The following ITGAE variants were observed in gnomAD, a reference collection of about 807,000 sequenced individuals.
ITGAE encodes integrin subunit alpha E, also known as integrin alpha-E.
ITGAE carries 99 observed loss-of-function variants against 136.5 expected under a neutral mutation model. That is an observed-to-expected ratio of 0.73 (90% confidence interval 0.62 to 0.86). ITGAE has a LOEUF of 0.86. ITGAE is among the 40% of genes least tolerant of loss of function. The pLI is 0.00. For synonymous variants in ITGAE, 613 were observed against 591.8 expected, an observed-to-expected ratio of 1.04 and a Z score of -0.52; for missense variants, 1,447 against 1,515.3, an observed-to-expected ratio of 0.95 and a Z score of 0.75.
At chr17:3,755,766 A>G (rs1038492297) in intron 11 of ITGAE, 64 bp downstream of exon 11, 3 of 1,425,274 alleles carry the variant, frequency 2.1e-6, no homozygotes, top group African/African-American at 2.8e-5. Context: ...GAGTCCCTGA[A>G]TCCTAGGTGT....
intron 28 of ITGAE, among the ~76,000 whole-genome samples, chr17:3,722,141 T>C (rs1333388434): frequency 6.7e-6 from 1 of 148,338 alleles, no homozygotes; most frequent in Non-Finnish European, 1.5e-5. Flanking sequence ...ATCGTGCCAT[T>C]GCACAACAAG....
chr17:3,766,484 C>A (rs982639661), intron 2 of ITGAE, among the ~76,000 whole-genome samples: 5 of 152,114 alleles, frequency 3.3e-5, no homozygotes, highest in South Asian at 2.1e-4. Context: ...GCTTTTCAGA[C>A]TTCTGACCTC....
Position 3,757,713 on chromosome 17 carries a change from G to A in ITGAE, c.1013C>T (p.Ala338Val), listed in dbSNP as rs766919309. The A allele has an allele frequency of 8.7e-6, 14 of 1,613,878 alleles. No homozygotes were observed. The African/African-American group carries it at 1.6e-4, about 18-fold the overall frequency. Reference protein sequence around the residue: ...SPKMQGVERFAIGVGEEFKSA... With the variant: ...SPKMQGVERFVIGVGEEFKSA... ...CCGGCTCCTGGCTCTTACCCCAATGGCAAAGCGCTCAACACCCTGCATTTT... is the reference window on the plus strand; with the variant it reads ...CCGGCTCCTGGCTCTTACCCCAATGACAAAGCGCTCAACACCCTGCATTTT... Residue 338 changes from alanine to valine, a missense_variant, in exon 9 of 31, where the codon GCC becomes GTC. Transcript: ENST00000263087.
chr17:3,762,913 T>A (rs1029747354), intron 3 of ITGAE, among the ~76,000 whole-genome samples: 4 of 144,626 alleles, frequency 2.8e-5, no homozygotes, highest in African/African-American at 2.6e-5. Context: ...TTTTTTTTTT[T>A]AAACAGTCTT....
chr17:3,746,170 G>A (rs1345351519), intron 17 of ITGAE, among the ~76,000 whole-genome samples: 1 of 152,324 alleles, frequency 6.6e-6, no homozygotes, highest in African/African-American at 2.4e-5. Context: ...CCAGGACTGA[G>A]TCAGCCTTCT....
At chr17:3,749,801 AG>A (rs1200329603) in intron 16 of ITGAE, among the ~76,000 whole-genome samples, 5 of 152,032 alleles carry the variant, frequency 3.3e-5, no homozygotes, top group African/African-American at 1.2e-4. Context: ...GTGGATCACG[AG>A]GTCAGGAGTT....
chr17:3,760,683 G>A (rs55864824), intron 6 of ITGAE, among the ~76,000 whole-genome samples: 92,450 of 151,528 alleles, frequency 0.61, 29,272 homozygotes, highest in African/African-American at 0.73. Context: ...CAAGTGATCC[G>A]CCCACTTCAG....
intron 1 of ITGAE, among the ~76,000 whole-genome samples, chr17:3,797,440 C>T (rs890828924): frequency 4.7e-5 from 7 of 148,582 alleles, no homozygotes; most frequent in Admixed American, 1.3e-4. Flanking sequence ...GCTGGGATTA[C>T]AGGCTTGAGC....
chr17:3,748,077 G>T, intron 16 of ITGAE, 25 bp from the exon 17 acceptor site: 2 of 1,601,072 alleles, frequency 1.2e-6, no homozygotes, highest in Non-Finnish European at 1.7e-6. Flanking sequence ...AAAGAGGATG[G>T]GAGAAGTGAC....
intron 26 of ITGAE, 142 bp from the exon 27 acceptor site, chr17:3,723,886 CA>C (rs763260126): frequency 6.6e-7 from 1 of 1,524,110 alleles, no homozygotes; most frequent in Non-Finnish European, 8.8e-7. Flanking sequence ...GTCCGCGTCG[CA>C]CGGAAGTCTC....
chr17:3,717,780 T>C (rs2050970403), intron 29 of ITGAE: 2 of 152,108 alleles, frequency 1.3e-5, no homozygotes, highest in Non-Finnish European at 2.9e-5. Context: ...CATAGGTAGC[T>C]GAACTAAATA....
intron 19 of ITGAE, 119 bp downstream of exon 19, chr17:3,743,370 C>T: frequency 8.4e-7 from 1 of 1,196,126 alleles, no homozygotes; most frequent in Non-Finnish European, 1.2e-6. Flanking sequence ...GGTGAGGGGC[C>T]CAAATGCCGT....
At chr17:3,736,533 G>T (rs926240328) in intron 20 of ITGAE, among the ~76,000 whole-genome samples, 8 of 152,066 alleles carry the variant, frequency 5.3e-5, no homozygotes, top group Admixed American at 2.0e-4. Flanking sequence ...CCGTTTCTTG[G>T]CCTCAGCTTC....
intron 12 of ITGAE, chr17:3,754,719 G>A (rs1409968913): frequency 7.9e-6 from 2 of 254,364 alleles, no homozygotes; most frequent in Non-Finnish European, 1.6e-5. Flanking sequence ...CCCCCATCCG[G>A]AAACCTCAAG....
intron 26 of ITGAE, chr17:3,724,939 G>A (rs2051171871): frequency 9.3e-6 from 15 of 1,613,648 alleles, no homozygotes; most frequent in Non-Finnish European, 1.3e-5. Context: ...GAGAGAACTA[G>A]ATCAAGCCGG....
intron 11 of ITGAE, 125 bp from the exon 12 acceptor site, chr17:3,755,386 T>TGC: frequency 8.7e-7 from 1 of 1,146,504 alleles, no homozygotes; most frequent in Non-Finnish European, 1.2e-6. Context: ...GGTGGTCTAG[T>TGC]GCCCGCCTGG....
At chr17:3,728,246 C>G in intron 24 of ITGAE, 78 bp from the exon 25 acceptor site, 8 of 1,082,760 alleles carry the variant, frequency 7.4e-6, no homozygotes, top group Non-Finnish European at 1.0e-5. Flanking sequence ...CTCTGTTGCC[C>G]AGGCTAGAGC....
At chr17:3,724,484 G>A (rs2143008134) in intron 26 of ITGAE, 1 of 1,613,932 alleles carries the variant, frequency 6.2e-7, no homozygotes, top group Non-Finnish European at 8.5e-7. Context: ...CAACGCCAAG[G>A]GACAGTGTCA....
intron 2 of ITGAE, among the ~76,000 whole-genome samples, chr17:3,774,548 G>A (rs1331127200): frequency 2.0e-5 from 3 of 152,178 alleles, no homozygotes; most frequent in East Asian, 3.8e-4. Flanking sequence ...CAGGTCATTT[G>A]AGGTCAGGAG....
Sources: allele counts gnomAD v4.1 joint callset (sites outside exome capture counted in the v4.1 genomes callset), GRCh38; gene constraint gnomAD v4.1.1; transcripts MANE v1.5; gene names NCBI Gene and HGNC (gene_info 2026-07-23, HGNC 2026-07-21).